The following PTK2B variants were observed in gnomAD, a reference collection of about 807,000 sequenced individuals.
PTK2B encodes protein-tyrosine kinase 2-beta.
PTK2B carries 71 observed loss-of-function variants against 142.9 expected under a neutral mutation model. The observed-to-expected ratio is 0.50, with a 90% confidence interval of 0.41 to 0.61. PTK2B has a LOEUF of 0.61. PTK2B is among the 20% of genes least tolerant of loss of function. PTK2B has a pLI of 0.00. For missense variants in PTK2B, 1,105 were observed against 1,320.4 expected, an observed-to-expected ratio of 0.84 and a Z score of 2.53; for synonymous variants, 519 against 503.4, an observed-to-expected ratio of 1.03 and a Z score of -0.42.
upstream of PTK2B, among the ~76,000 whole-genome samples, chr8:27,322,148 G>C (rs1470774092): frequency 6.6e-6 from 1 of 152,004 alleles, no homozygotes; most frequent in African/African-American, 2.4e-5. Context: ...ACACCACTAT[G>C]CCCAGCTAGT....
At chr8:27,361,132 G>A (rs571558810) in intron 1 of PTK2B, among the ~76,000 whole-genome samples, 2 of 152,174 alleles carry the variant, frequency 1.3e-5, no homozygotes, top group African/African-American at 4.8e-5. Flanking sequence ...ACCCTCCTGA[G>A]TCTCCAATGT....
At chr8:27,416,414 G>A (rs1015431255) in intron 2 of PTK2B, among the ~76,000 whole-genome samples, 3 of 152,146 alleles carry the variant, frequency 2.0e-5, no homozygotes, top group Non-Finnish European at 4.4e-5. Context: ...CAATTCATTT[G>A]GGAAGGGAAA....
At chr8:27,446,846 CATG>C (rs1174343321) in intron 24 of PTK2B, among the ~76,000 whole-genome samples, 7 of 152,198 alleles carry the variant, frequency 4.6e-5, no homozygotes, top group Non-Finnish European at 8.8e-5. Context: ...TTGAAATGAG[CATG>C]ATAACTTAGA....
At position 27,451,341 on chromosome 8, in the gene PTK2B, C is replaced by T. The variant is rs985809887; in HGVS notation, c.2524-144C>T. On this transcript the variant is annotated intron_variant, in intron 26 of 30. Transcript: ENST00000346049. ...CTCCCAGAAAGGTCACATTGGGTCA[C>T]GAGCTGCTCCCAGAAGCACCCCCGA... 7 of 1,367,126 alleles carry T rather than the reference C, an allele frequency of 5.1e-6. No homozygotes were observed. In the South Asian group the frequency reaches 5.5e-5, roughly 11 times the overall value. 84.7% of individuals were successfully genotyped at this position (1,367,126 alleles called of 1,614,324 possible).
At chr8:27,420,211 T>C (rs1586283257) in intron 3 of PTK2B, 138 bp downstream of exon 3, 1 of 1,005,298 alleles carries the variant, frequency 9.9e-7, no homozygotes, top group South Asian at 1.6e-5. Context: ...GGCTTAGTCT[T>C]CCTCCAGTAT....
chr8:27,440,427 G>T lies in PTK2B; in HGVS notation c.2025G>T (p.Leu675=), dbSNP rs776956648. 6.2e-7 allele frequency: 1 copy of T among 1,613,736 alleles called. No individual in the cohort carries two copies. The highest frequency in any genetic ancestry group is 8.5e-7 in the Non-Finnish European group (1 of 1,180,016). The part of the protein sequence containing the change: ...DPSDRPRFTE[L]VCSLSDVYQM... ...GTGACCGGCCCCGCTTCACCGAGCT[G>T]GTGTGCAGCCTCAGGTGAGCATGGA... Residue 675 remains leucine, a synonymous_variant, in exon 21 of 31, where the codon CTG becomes CTT. Coordinates refer to ENST00000346049, the MANE Select transcript of PTK2B (RefSeq NM_173176.3).
intron 1 of PTK2B, among the ~76,000 whole-genome samples, chr8:27,362,293 G>C (rs1805756776): frequency 6.6e-6 from 1 of 152,016 alleles, no homozygotes; most frequent in East Asian, 1.9e-4. Flanking sequence ...CCACTTCCTG[G>C]GCGTGACTCA....
At chr8:27,367,422 C>T (rs1035624743) in intron 1 of PTK2B, among the ~76,000 whole-genome samples, 9 of 152,190 alleles carry the variant, frequency 5.9e-5, no homozygotes, top group African/African-American at 2.2e-4. Flanking sequence ...GGTGTCTGGG[C>T]TTGCCCACCT....
intron 1 of PTK2B, among the ~76,000 whole-genome samples, chr8:27,353,757 A>G (rs1477655075): frequency 6.6e-6 from 1 of 152,218 alleles, no homozygotes; most frequent in African/African-American, 2.4e-5. Context: ...CGTAAACCTT[A>G]TCAGTCACTT....
intron 3 of PTK2B, 25 bp downstream of exon 3, chr8:27,420,098 G>C: frequency 1.9e-6 from 3 of 1,612,090 alleles, no homozygotes; most frequent in Non-Finnish European, 2.5e-6. Context: ...CTGGGCTCTG[G>C]AAGTGGGAAG....
intron 1 of PTK2B, among the ~76,000 whole-genome samples, chr8:27,380,277 G>A (rs1487824910): frequency 1.3e-5 from 2 of 152,116 alleles, no homozygotes; most frequent in Non-Finnish European, 2.9e-5. Flanking sequence ...TGAAAGGATA[G>A]CAGTCATTTT....
rs142980389 is a variant in PTK2B, at chr8:27,432,360, A to G, written c.986A>G (p.Gln329Arg). ...VLQLGIEGAP[Q>R]ALSIKTSSLA... Reference sequence around the variant, plus strand: ...CAGCTGGGCATTGAAGGTGCCCCCCAGGTGAGTGTCTCTGGGCACTGGGCA... The same window carrying G: ...CAGCTGGGCATTGAAGGTGCCCCCCGGGTGAGTGTCTCTGGGCACTGGGCA... The change falls in exon 10 of 31, where the codon CAG (glutamine) becomes CGG (arginine). Residue 329 changes from glutamine (Q) to arginine (R), a missense_variant and splice_region_variant. Transcript: ENST00000346049. 3.7e-6 allele frequency: 6 copies of G among 1,613,592 alleles called. No individual in the cohort carries two copies. Among genetic ancestry groups the G allele is most frequent in the African/African-American group, 1.3e-5 (1 of 75,046 alleles).
At chr8:27,310,710 T>G (rs1380224318), upstream of PTK2B, 1 of 1,402,280 alleles carries the variant, frequency 7.1e-7, no homozygotes, top group African/African-American at 1.4e-5. Flanking sequence ...CACACTGGGC[T>G]CTGGCAGGCA....
At chr8:27,324,418 G>T (rs966943168), upstream of PTK2B, among the ~76,000 whole-genome samples, 4 of 152,268 alleles carry the variant, frequency 2.6e-5, no homozygotes, top group African/African-American at 9.6e-5. Flanking sequence ...GCTGCAGAGA[G>T]TCTGATCTTC....
At chr8:27,420,950 G>GC (rs1809710489) in intron 4 of PTK2B, among the ~76,000 whole-genome samples, 1 of 152,306 alleles carries the variant, frequency 6.6e-6, no homozygotes, top group African/African-American at 2.4e-5. Flanking sequence ...TGGCTAAACT[G>GC]CCCCATGTGC....
At chr8:27,418,522 C>G (rs1333441061) in intron 2 of PTK2B, among the ~76,000 whole-genome samples, 1 of 152,136 alleles carries the variant, frequency 6.6e-6, no homozygotes, top group African/African-American at 2.4e-5. Context: ...ATCAAATGCC[C>G]CTCCTCTTTT....
intron 3 of PTK2B, among the ~76,000 whole-genome samples, chr8:27,314,167 A>G (rs1803043013): frequency 3.3e-5 from 5 of 152,232 alleles, no homozygotes; most frequent in Admixed American, 3.3e-4. Flanking sequence ...CTTTTGTTCA[A>G]TCATATTTCT....
chr8:27,440,394 C>A lies in PTK2B; in HGVS notation c.1992C>A (p.Tyr664Ter). The change falls in exon 21 of 31, where the codon TAC (tyrosine) becomes TAA (stop). Residue 664 changes from tyrosine (Y) to a stop codon, truncating the protein, a stop_gained. Coordinates refer to ENST00000346049, the MANE Select transcript of PTK2B (RefSeq NM_173176.3). LOFTEE classifies it high-confidence loss of function. ...CCCTCATGACCCGCTGCTGGGACTA[C>A]GACCCCAGTGACCGGCCCCGCTTCA... Reference protein sequence around the residue: ...LYTLMTRCWDYDPSDRPRFTE... With the variant: ...LYTLMTRCWD The A allele has an allele frequency of 2.5e-6, 4 of 1,614,172 alleles. No individual in the cohort carries two copies. Among genetic ancestry groups the A allele is most frequent in the Non-Finnish European group, 3.4e-6 (4 of 1,180,040 alleles).
At chr8:27,312,242 T>C (rs78261480) in intron 1 of PTK2B, 1 of 152,246 alleles carries the variant, frequency 6.6e-6, no homozygotes, top group African/African-American at 2.4e-5. Context: ...ACATGTGTCA[T>C]GTTCCTGCAT....
Sources: allele counts gnomAD v4.1 joint callset (sites outside exome capture counted in the v4.1 genomes callset), GRCh38; gene constraint gnomAD v4.1.1; transcripts MANE v1.5; gene names NCBI Gene and HGNC (gene_info 2026-07-23, HGNC 2026-07-21).